NAP1L1: variants seen among roughly 807,000 people sequenced by gnomAD.
NAP1L1 encodes nucleosome assembly protein 1 like 1, also known as nucleosome assembly protein 1-like 1.
Under a neutral mutation model 58.9 loss-of-function variants are expected in NAP1L1, and 9 were observed. The observed-to-expected ratio is 0.15, with a 90% CI of 0.09 to 0.27. The LOEUF is 0.27. Among genes scored for constraint, NAP1L1 ranks in the 10% least tolerant of loss-of-function variants. The probability of loss-of-function intolerance (pLI) is 1.00; values close to 1 mark genes in which losing one functional copy is unlikely to be tolerated. For synonymous variants in NAP1L1, 130 were observed against 138.3 expected (o/e 0.94, Z 0.42); for missense variants, 302 against 458.8 (o/e 0.66, Z 3.12).
At position 76,042,133 on chromosome 12, in the gene NAP1L1, G is replaced by A. The variant is rs985728687; in HGVS notation, c.*6296C>T. 9 of 152,136 alleles carry A rather than the reference G, an allele frequency of 5.9e-5. No individual in the cohort carries two copies. In the South Asian group the frequency reaches 1.5e-3, roughly 25 times the overall value. 9.4% of individuals were successfully genotyped at this position (152,136 alleles called of 1,614,324 possible). A position where few individuals can be genotyped will look rare whatever the true frequency, so the allele number is the denominator to read the frequency against. On this transcript the variant is annotated 3_prime_UTR_variant, in exon 15 of 15. Transcript: ENST00000618691. ...TTTATTATCCAGTCTTAGTCTCAGTGTTCTTATGTACACTGAGTAATGCAT... is the reference window on the plus strand; with the variant it reads ...TTTATTATCCAGTCTTAGTCTCAGTATTCTTATGTACACTGAGTAATGCAT...
chr12:76,079,841 C>A (rs1592708640), intron 1 of NAP1L1, among the ~76,000 whole-genome samples: 1 of 152,086 alleles, frequency 6.6e-6, no homozygotes, highest in Non-Finnish European at 1.5e-5. Context: ...GCATTCTCCA[C>A]CACACTCAGC....
intron 9 of NAP1L1, 94 bp from the exon 10 acceptor site, chr12:76,053,444 A>G: frequency 1.4e-6 from 2 of 1,406,546 alleles, no homozygotes; most frequent in South Asian, 1.4e-5. Context: ...TTCAAATTTT[A>G]GAAGGGTGAA....
chr12:76,069,549 C>T (rs896761701), intron 2 of NAP1L1, among the ~76,000 whole-genome samples: 1 of 152,192 alleles, frequency 6.6e-6, no homozygotes, highest in Non-Finnish European at 1.5e-5. Context: ...CCAGCAGCCA[C>T]ACTGGACCAG....
At chr12:76,054,852 G>C (rs1314006872) in intron 8 of NAP1L1, among the ~76,000 whole-genome samples, 167 bp downstream of exon 8, 2 of 152,178 alleles carry the variant, frequency 1.3e-5, no homozygotes, top group Non-Finnish European at 2.9e-5. Context: ...TTTATGATCA[G>C]AAGGAGGAAA....
Position 76,043,544 on chromosome 12 carries a change from G to T in NAP1L1, c.*4885C>A, listed in dbSNP as rs1054942302. On this transcript the variant is annotated 3_prime_UTR_variant, in exon 15 of 15. Transcript: ENST00000618691. ...CCTCATCCTCACTTGAAATACTCTT[G>T]TAACAGGTGGTTCCAGTGTTTTAAA... The T allele has an allele frequency of 2.0e-5, 3 of 149,300 alleles. No homozygotes were observed. The highest frequency in any genetic ancestry group is 7.4e-5 in the African/African-American group (3 of 40,526). 9.2% of individuals were successfully genotyped at this position (149,300 alleles called of 1,614,324 possible). A position where few individuals can be genotyped will look rare whatever the true frequency, so the allele number is the denominator to read the frequency against.
chr12:76,080,801 A>G (rs992573624), intron 1 of NAP1L1, among the ~76,000 whole-genome samples: 26 of 152,306 alleles, frequency 1.7e-4, no homozygotes, highest in Admixed American at 1.6e-3. Flanking sequence ...GGCAGCACTG[A>G]GAGATGGGGG....
Position 76,042,152 on chromosome 12 carries a change from A to T in NAP1L1, c.*6277T>A, listed in dbSNP as rs963815894. 1 of 152,168 alleles carries T rather than the reference A, an allele frequency of 6.6e-6. No homozygotes were observed. The highest frequency in any genetic ancestry group is 2.4e-5 in the African/African-American group (1 of 41,428). The allele number at this position is 152,168 out of a possible 1,614,324, so 9.4% of individuals were successfully genotyped here. A position where few individuals can be genotyped will look rare whatever the true frequency, so the allele number is the denominator to read the frequency against. Reference sequence around the variant, plus strand: ...CTCAGTGTTCTTATGTACACTGAGTAATGCATCCCTTACACCTAGGAGGAA... The same window carrying T: ...CTCAGTGTTCTTATGTACACTGAGTTATGCATCCCTTACACCTAGGAGGAA... On this transcript the variant is annotated 3_prime_UTR_variant, in exon 15 of 15. Coordinates refer to ENST00000618691, the MANE Select transcript of NAP1L1 (RefSeq NM_004537.7).
At chr12:76,061,080 A>AT in intron 4 of NAP1L1, 1 of 427,534 alleles carries the variant, frequency 2.3e-6, no homozygotes, top group Non-Finnish European at 4.6e-6. Flanking sequence ...GGCTGACAGA[A>AT]TGAGACCCTG....
Position 76,039,818 on chromosome 12 carries a change from A to C in NAP1L1, c.*8611T>G, listed in dbSNP as rs1285839817. 6.6e-6 allele frequency: 1 copy of C among 152,222 alleles called. No individual in the cohort carries two copies. The highest frequency in any genetic ancestry group is 1.5e-5 in the Non-Finnish European group (1 of 68,034). The allele number at this position is 152,222 out of a possible 1,614,324, so 9.4% of individuals were successfully genotyped here. ...ATTAAGGCATTATTTTTATTATCTT[A>C]ATGTTAAACGAACACTTAGTTCTCC... is the stretch of plus-strand genomic sequence containing the variant. On this transcript the variant is annotated 3_prime_UTR_variant, in exon 15 of 15. Transcript: ENST00000618691.
chr12:76,060,556 T>G (rs561768741), intron 4 of NAP1L1, among the ~76,000 whole-genome samples: 7 of 152,196 alleles, frequency 4.6e-5, no homozygotes, highest in Non-Finnish European at 1.0e-4. Context: ...GGACTTGTCA[T>G]TGCTGAAGTC....
chr12:76,062,349 T>A (rs1477941915), intron 4 of NAP1L1, among the ~76,000 whole-genome samples: 1 of 152,104 alleles, frequency 6.6e-6, no homozygotes, highest in African/African-American at 2.4e-5. Flanking sequence ...TGCGCCCTTC[T>A]CCTTGTCACA....
Position 76,038,920 on chromosome 12 carries a change from C to T in NAP1L1, c.*9509G>A, listed in dbSNP as rs1218346840. ...TACACTTTTAAGTCATTGTCTCAAC[C>T]TAATTTGTGCATGCATGGTTCTGAG... On this transcript the variant is annotated 3_prime_UTR_variant, in exon 15 of 15. Transcript: ENST00000618691. The T allele has an allele frequency of 6.6e-6, 1 of 152,068 alleles. No homozygotes were observed. Among genetic ancestry groups the T allele is most frequent in the Non-Finnish European group, 1.5e-5 (1 of 68,022 alleles). 9.4% of individuals were successfully genotyped at this position (152,068 alleles called of 1,614,324 possible).
At position 76,042,061 on chromosome 12, in the gene NAP1L1, T is replaced by G. The variant is rs895516539; in HGVS notation, c.*6368A>C. 3.3e-5 allele frequency: 5 copies of G among 152,092 alleles called. No individual in the cohort carries two copies. Among genetic ancestry groups the G allele is most frequent in the Admixed American group, 2.6e-4 (4 of 15,278 alleles). 9.4% of individuals were successfully genotyped at this position (152,092 alleles called of 1,614,324 possible). On this transcript the variant is annotated 3_prime_UTR_variant, in exon 15 of 15. Transcript: ENST00000618691. Reference sequence around the variant, plus strand: ...CACTTTAGGTTAAGGTCAATTTTTTTTTTGTTTTTTACACATAAAATCTTC... The same window carrying G: ...CACTTTAGGTTAAGGTCAATTTTTTGTTTGTTTTTTACACATAAAATCTTC...
chr12:76,061,381 T>C (rs1441270075), intron 4 of NAP1L1, among the ~76,000 whole-genome samples: 2 of 152,194 alleles, frequency 1.3e-5, no homozygotes, highest in Non-Finnish European at 2.9e-5. Context: ...ATGTACGATA[T>C]TTGGTTCTCT....
chr12:76,074,145 G>A (rs1950087601), intron 2 of NAP1L1, 58 bp downstream of exon 2: 2 of 1,347,060 alleles, frequency 1.5e-6, no homozygotes, highest in African/African-American at 1.5e-5. Flanking sequence ...TTGCTGTTAA[G>A]AACAGAGTAC....
Position 76,048,133 on chromosome 12 carries a change from T to C in NAP1L1, c.*296A>G, listed in dbSNP as rs12305629. 5.4e-6 allele frequency: 2 copies of C among 373,774 alleles called. No individual in the cohort carries two copies. The highest frequency in any genetic ancestry group is 9.5e-6 in the Non-Finnish European group (2 of 210,386). 23.2% of individuals were successfully genotyped at this position (373,774 alleles called of 1,614,324 possible). A position where few individuals can be genotyped will look rare whatever the true frequency, so the allele number is the denominator to read the frequency against. ...AAAAAAAAGGTATTTCCTTTAACAG[T>C]TGTTAATTTTCATAGCTGTACTCCA... On this transcript the variant is annotated 3_prime_UTR_variant, in exon 15 of 15. Coordinates refer to ENST00000618691, the MANE Select transcript of NAP1L1 (RefSeq NM_004537.7).
chr12:76,076,841 G>C (rs1950201119), intron 1 of NAP1L1, among the ~76,000 whole-genome samples: 1 of 151,912 alleles, frequency 6.6e-6, no homozygotes, highest in African/African-American at 2.4e-5. Context: ...TACGCACCTA[G>C]GCTATGATAT....
intron 8 of NAP1L1, 131 bp from the exon 9 acceptor site, chr12:76,054,040 T>A: frequency 9.0e-7 from 1 of 1,106,844 alleles, no homozygotes; most frequent in Middle Eastern, 2.5e-4. Context: ...AAATACAATC[T>A]TCTTTTTGAG....
chr12:76,058,077 C>A lies in NAP1L1; in HGVS notation c.429+1721G>T, dbSNP rs972889548. ...CATAATTGAGGTCATTCAGGAAAAA[C>A]AGACAGAAGTAGATGATGACAGCAT... On this transcript the variant is annotated intron_variant, in intron 6 of 14. Transcript: ENST00000618691. 12 of 763,848 alleles carry A rather than the reference C, an allele frequency of 1.6e-5. No homozygotes were observed. In the African/African-American group the frequency reaches 1.7e-4, roughly 11 times the overall value. 47.3% of individuals were successfully genotyped at this position (763,848 alleles called of 1,614,324 possible). A position where few individuals can be genotyped will look rare whatever the true frequency, so the allele number is the denominator to read the frequency against.
Sources: gnomAD v4.1 joint callset for allele counts (sites outside exome capture counted in the v4.1 genomes callset) on GRCh38, gnomAD v4.1.1 for gene constraint, MANE v1.5 for transcripts, NCBI Gene and HGNC (gene_info 2026-07-23, HGNC 2026-07-21) for gene names.